The following ANKRD17 variants were observed in gnomAD, a reference collection of about 807,000 sequenced individuals.
ANKRD17 encodes ankyrin repeat domain 17, also known as ankyrin repeat domain-containing protein 17.
In ANKRD17, 19 loss-of-function variants were observed where a neutral mutation model predicts 229.7. That is an observed-to-expected ratio of 0.08 (90% CI 0.06 to 0.12). ANKRD17 has a LOEUF of 0.12. Ranked by LOEUF, ANKRD17 falls within the 10% of genes least tolerant of loss-of-function variation. ANKRD17 has a pLI of 1.00. For synonymous variants in ANKRD17, 1,112 were observed against 1,146.1 expected (o/e 0.97, Z 0.60); for missense variants, 2,176 against 3,176.8 (o/e 0.68, Z 7.57).
intron 1 of ANKRD17, among the ~76,000 whole-genome samples, chr4:73,191,684 A>C (rs1213485401): frequency 6.6e-6 from 1 of 151,976 alleles, no homozygotes; most frequent in East Asian, 1.9e-4. Flanking sequence ...AAAAAGACAA[A>C]CACCACAATG....
chr4:73,167,934 C>T (rs939281753), intron 2 of ANKRD17, among the ~76,000 whole-genome samples: 1 of 151,878 alleles, frequency 6.6e-6, no homozygotes, highest in Non-Finnish European at 1.5e-5. Context: ...GGGTGGATCA[C>T]GAGGTCAGGA....
intron 16 of ANKRD17, among the ~76,000 whole-genome samples, chr4:73,129,929 A>AC (rs1727976315): frequency 6.7e-6 from 1 of 150,014 alleles, no homozygotes; most frequent in South Asian, 2.1e-4. Flanking sequence ...CGCCTGGCTA[A>AC]TTTTTTTTTG....
rs767202069 is a variant in ANKRD17, at chr4:73,120,323, T to C, written c.3864A>G (p.Pro1288=). Residue 1288 remains proline, a synonymous_variant, in exon 21 of 34, where the codon CCA becomes CCG. Transcript: ENST00000358602. ...ATCCACCAGAGGCAGCTTCCATTAG[T>C]GGTGTGAGACCAGTCTAAGTTTAGT... ...VEHRAKTGLT[P]LMEAASGGYA... is the part of the protein sequence containing the mutation. 1.9e-6 allele frequency: 3 copies of C among 1,613,922 alleles called. No individual in the cohort carries two copies. The highest frequency in any genetic ancestry group is 2.5e-6 in the Non-Finnish European group (3 of 1,179,956).
intron 16 of ANKRD17, among the ~76,000 whole-genome samples, chr4:73,128,698 A>C (rs1015910157): frequency 5.3e-5 from 8 of 152,198 alleles, no homozygotes; most frequent in African/African-American, 1.9e-4. Flanking sequence ...CAAGCATAAT[A>C]ATATATTATG....
chr4:73,122,600 C>A (rs1726890070), intron 18 of ANKRD17, among the ~76,000 whole-genome samples: 2 of 152,054 alleles, frequency 1.3e-5, no homozygotes, highest in South Asian at 4.1e-4. Context: ...ATAGAGAAGT[C>A]AAGACTGGCT....
At chr4:73,208,651 C>T (rs1033048095) in intron 1 of ANKRD17, among the ~76,000 whole-genome samples, 121 of 152,038 alleles carry the variant, frequency 8.0e-4, no homozygotes, top group African/African-American at 2.6e-3. Context: ...CAAGGAAACC[C>T]CAGTTAAGAC....
At position 73,115,894 on chromosome 4, in the gene ANKRD17, T is replaced by A; in HGVS notation, c.4211A>T (p.Tyr1404Phe). Residue 1404 changes from tyrosine (Y) to phenylalanine (F), a missense_variant, in exon 23 of 34, where the codon TAC (tyrosine) becomes TTC (phenylalanine). This residue lies in a region of ANKRD17 where 178 missense variants were observed against 421.7 expected (regional missense o/e 0.42). Coordinates refer to ENST00000358602, the MANE Select transcript of ANKRD17 (RefSeq NM_032217.5). Reference sequence around the variant, plus strand: ...AAACTGATTGACTTCTTTGACTAAGTAGCGCACCACCTTCACATGACCCTA... The same window carrying A: ...AAACTGATTGACTTCTTTGACTAAGAAGCGCACCACCTTCACATGACCCTA... ...FRKGHVKVVRYLVKEVNQFPS... is the reference protein window; with the variant it reads ...FRKGHVKVVRFLVKEVNQFPS... 1 of 1,613,696 alleles carries A rather than the reference T, an allele frequency of 6.2e-7. No homozygotes were observed. The highest frequency in any genetic ancestry group is 8.5e-7 in the Non-Finnish European group (1 of 1,179,938).
intron 1 of ANKRD17, chr4:73,223,199 T>C (rs1413654265): frequency 7.6e-6 from 4 of 524,504 alleles, no homozygotes; most frequent in African/African-American, 2.0e-5. Flanking sequence ...TGACTCACTG[T>C]GTATTTTTTA....
At chr4:73,257,924 T>C (rs1745606530) in intron 1 of ANKRD17, among the ~76,000 whole-genome samples, 1 of 151,944 alleles carries the variant, frequency 6.6e-6, no homozygotes, top group African/African-American at 2.4e-5. Context: ...CGATCCCGCC[T>C]CAGACTAAGG....
Position 73,141,780 on chromosome 4 carries a change from G to A in ANKRD17, c.2293C>T (p.Pro765Ser). 6.2e-7 allele frequency: 1 copy of A among 1,614,006 alleles called. No individual in the cohort carries two copies. The change falls in exon 14 of 34, where the codon CCT becomes TCT. Residue 765 changes from proline (P) to serine (S), a missense_variant. Around this residue, in one of 18 missense-constraint regions of ANKRD17, gnomAD observed 275 missense variants for 386.9 expected, o/e 0.71. Transcript: ENST00000358602. ...VVPPQEPDKPPANVATTLPIR... is the reference protein window; with the variant it reads ...VVPPQEPDKPSANVATTLPIR... ...GGAAGAGTGGTGGCAACATTGGCAG[G>A]TGGTTTGTCAGGCTCCTGAGGTGGA...
chr4:73,248,702 A>G (rs1372540437), intron 1 of ANKRD17, among the ~76,000 whole-genome samples: 1 of 152,076 alleles, frequency 6.6e-6, no homozygotes, highest in East Asian at 1.9e-4. Flanking sequence ...TTTACTAACT[A>G]CAATATGTAC....
intron 1 of ANKRD17, among the ~76,000 whole-genome samples, chr4:73,189,403 G>GTTTTTTT (rs763345325): frequency 1.2e-4 from 13 of 112,688 alleles, no homozygotes; most frequent in South Asian, 2.8e-4. Flanking sequence ...TGCCTGGAAT[G>GTTTTTTT]TTTTTTTTTT....
chr4:73,129,560 G>A (rs570784625), intron 16 of ANKRD17, among the ~76,000 whole-genome samples: 22 of 152,014 alleles, frequency 1.4e-4, no homozygotes, highest in Admixed American at 4.6e-4. Flanking sequence ...CCCCATCTCT[G>A]CAAAAAATTA....
At chr4:73,214,438 A>G (rs6824747) in intron 1 of ANKRD17, among the ~76,000 whole-genome samples, 152,140 of 152,274 alleles carry the variant, frequency 1, 76,004 homozygotes, top group Non-Finnish European at 1. Context: ...AAGACTCTTA[A>G]AGAGTCTGTG....
chr4:73,252,916 G>A (rs1320903649), intron 1 of ANKRD17, among the ~76,000 whole-genome samples: 3 of 152,022 alleles, frequency 2.0e-5, no homozygotes, highest in Admixed American at 6.6e-5. Context: ...AAAACTTGGG[G>A]TGACCAACTT....
At chr4:73,113,236 A>C in intron 24 of ANKRD17, 1 of 1,289,394 alleles carries the variant, frequency 7.8e-7, no homozygotes. Context: ...AGAAGCTATA[A>C]GACTGTCCAA....
At chr4:73,134,105 CAA>C (rs1728594860) in intron 16 of ANKRD17, among the ~76,000 whole-genome samples, 1 of 152,036 alleles carries the variant, frequency 6.6e-6, no homozygotes, top group African/African-American at 2.4e-5. Flanking sequence ...ATTTGGCCAA[CAA>C]GTAAGAGCAG....
intron 1 of ANKRD17, among the ~76,000 whole-genome samples, chr4:73,223,622 T>G (rs572960147): frequency 6.6e-6 from 1 of 152,226 alleles, no homozygotes; most frequent in Non-Finnish European, 1.5e-5. Context: ...TAAATACTTA[T>G]GAGAACCAGG....
At chr4:73,198,773 A>G (rs1738242776) in intron 1 of ANKRD17, among the ~76,000 whole-genome samples, 1 of 152,184 alleles carries the variant, frequency 6.6e-6, no homozygotes, top group South Asian at 2.1e-4. Context: ...CACAGATCCC[A>G]ACAAAATCAA....
Sources: gnomAD v4.1 joint callset for allele counts (sites outside exome capture counted in the v4.1 genomes callset) on GRCh38, gnomAD v4.1.1 for gene constraint, gnomAD v4.1.1 regional missense constraint, MANE v1.5 for transcripts, NCBI Gene and HGNC (gene_info 2026-07-23, HGNC 2026-07-21) for gene names.